The following ATRN variants were observed in gnomAD, a reference collection of about 807,000 sequenced individuals.
The protein encoded by ATRN is attractin-2.
In ATRN, 54 loss-of-function variants were observed where a neutral mutation model predicts 178.7. The ratio of observed to expected loss-of-function variants is 0.30; its 90% CI spans 0.24 to 0.38. The LOEUF is 0.38. ATRN is among the 10% of genes least tolerant of loss of function. The probability of loss-of-function intolerance (pLI) is 1.00; values close to 1 mark genes in which losing one functional copy is unlikely to be tolerated. For synonymous variants in ATRN, 636 were observed against 663.0 expected (o/e 0.96, Z 0.63); for missense variants, 1,443 against 1,815.1 (o/e 0.79, Z 3.73).
At chr20:3,491,809 T>G (rs2084797964) in intron 1 of ATRN, among the ~76,000 whole-genome samples, 1 of 152,186 alleles carries the variant, frequency 6.6e-6, no homozygotes, top group Non-Finnish European at 1.5e-5. Flanking sequence ...TTCTTTTTTC[T>G]TCATTTGTGG....
chr20:3,489,115 C>G (rs2084741319), intron 1 of ATRN, among the ~76,000 whole-genome samples: 1 of 152,128 alleles, frequency 6.6e-6, no homozygotes, highest in Admixed American at 6.5e-5. Context: ...TGTGCGCCAC[C>G]ATGCCAGACT....
intron 11 of ATRN, among the ~76,000 whole-genome samples, chr20:3,567,533 A>G (rs924172334): frequency 1.3e-5 from 2 of 152,180 alleles, no homozygotes; most frequent in African/African-American, 4.8e-5. Context: ...ATATGTAAGT[A>G]TCTGTGTGTG....
Position 3,492,205 on chromosome 20 carries a change from A to G in ATRN, c.410+20688A>G, listed in dbSNP as rs930851628. The stretch of plus-strand genomic sequence containing the variant: ...TGTGTGTGTGTGTGTGTGTGTGTGT[A>G]TCCGTTCTCTGGGCAGGGAGGGGAA... On this transcript the variant is annotated intron_variant, in intron 1 of 28. Coordinates refer to ENST00000262919, the MANE Select transcript of ATRN (RefSeq NM_139321.3). Among the ~76,000 whole-genome samples the G allele has an allele frequency of 3.4e-3, 189 of 55,864 alleles. 5 individuals are homozygous for G. In the South Asian group the frequency reaches 0.096, roughly 28 times the overall value. The allele number at this position is 55,864 out of a possible 152,430, so 36.6% of individuals were successfully genotyped here.
intron 1 of ATRN, chr20:3,490,065 G>T: frequency 8.2e-7 from 1 of 1,215,204 alleles, no homozygotes; most frequent in Non-Finnish European, 1.2e-6. Context: ...GAAAAGCAAT[G>T]TCTTTGTTCT....
intron 2 of ATRN, among the ~76,000 whole-genome samples, chr20:3,537,537 G>T: frequency 6.8e-6 from 1 of 146,636 alleles, no homozygotes; most frequent in Admixed American, 6.9e-5. Context: ...TATACTTCAA[G>T]TTCTAGGGTA....
intron 9 of ATRN, 73 bp from the exon 10 acceptor site, chr20:3,563,136 C>A: frequency 1.5e-6 from 2 of 1,343,536 alleles, no homozygotes; most frequent in Non-Finnish European, 2.1e-6. Flanking sequence ...AGTGGTTGTG[C>A]TTGCATTAGC....
At chr20:3,516,335 C>CAGA (rs2146138694) in intron 1 of ATRN, among the ~76,000 whole-genome samples, 1 of 152,078 alleles carries the variant, frequency 6.6e-6, no homozygotes, top group South Asian at 2.1e-4. Context: ...TAAGAGTAAG[C>CAGA]AGAGAGTTGG....
chr20:3,489,697 C>G (rs1156291260), intron 1 of ATRN: 14 of 1,576,662 alleles, frequency 8.9e-6, no homozygotes, highest in Middle Eastern at 2.3e-4. Flanking sequence ...GTCACATTAG[C>G]AAAGTGAGCA....
chr20:3,519,638 C>T (rs923550070), intron 1 of ATRN, among the ~76,000 whole-genome samples: 2 of 152,134 alleles, frequency 1.3e-5, no homozygotes, highest in African/African-American at 4.8e-5. Flanking sequence ...ACAGTGTACA[C>T]TGCTTGAATG....
At chr20:3,559,569 T>G (rs1190380589) in intron 7 of ATRN, 86 bp downstream of exon 7, 1 of 1,135,334 alleles carries the variant, frequency 8.8e-7, no homozygotes, top group Non-Finnish European at 1.3e-6. Context: ...GCTACCTCAG[T>G]GTTGGTTTTT....
chr20:3,628,387 T>C (rs2753981), intron 25 of ATRN, among the ~76,000 whole-genome samples: 1 of 152,212 alleles, frequency 6.6e-6, no homozygotes, highest in East Asian at 1.9e-4. Context: ...AAGACAGAGA[T>C]CCACTTTCCA....
At position 3,521,273 on chromosome 20, in the gene ATRN, G is replaced by A. The variant is rs74826926; in HGVS notation, c.411-13980G>A. On this transcript the variant is annotated intron_variant, in intron 1 of 28. Coordinates refer to ENST00000262919, the MANE Select transcript of ATRN (RefSeq NM_139321.3). ...AAGGATTCTTTGTACATCAAACCTCGGCAACACGCAATTTACGCATGCAAC... is the reference window on the plus strand; with the variant it reads ...AAGGATTCTTTGTACATCAAACCTCAGCAACACGCAATTTACGCATGCAAC... Among the ~76,000 whole-genome samples, 1,104 of 151,710 alleles carry A rather than the reference G, an allele frequency of 7.3e-3. 7 individuals carry two copies. The highest frequency in any genetic ancestry group is 0.012 in the Non-Finnish European group (798 of 67,916).
chr20:3,563,691 C>T (rs2085987906), intron 10 of ATRN, among the ~76,000 whole-genome samples: 1 of 152,118 alleles, frequency 6.6e-6, no homozygotes. Context: ...AAAATTGGTT[C>T]ACGTATTAGC....
intron 1 of ATRN, among the ~76,000 whole-genome samples, chr20:3,533,748 C>A (rs969676299): frequency 6.6e-6 from 1 of 151,936 alleles, no homozygotes; most frequent in African/African-American, 2.4e-5. Flanking sequence ...GTTTTTCTGA[C>A]AGTTGCATTA....
chr20:3,614,301 G>T (rs1228569848), intron 24 of ATRN, among the ~76,000 whole-genome samples: 1 of 152,190 alleles, frequency 6.6e-6, no homozygotes, highest in African/African-American at 2.4e-5. Context: ...TGGGGGCGTG[G>T]GCGGTAGGTA....
chr20:3,603,483 TTC>T (rs2086639174), intron 23 of ATRN, among the ~76,000 whole-genome samples: 1 of 151,778 alleles, frequency 6.6e-6, no homozygotes, highest in African/African-American at 2.4e-5. Context: ...AAAACCATTT[TTC>T]TTTCTTTCTT....
At chr20:3,525,617 A>G (rs953775364) in intron 1 of ATRN, among the ~76,000 whole-genome samples, 1 of 152,238 alleles carries the variant, frequency 6.6e-6, no homozygotes, top group Admixed American at 6.5e-5. Context: ...TTTCAGGCCA[A>G]TATCCTTGAT....
intron 1 of ATRN, among the ~76,000 whole-genome samples, chr20:3,512,107 A>ATATATATATATATATATATATATTTTTT: frequency 9.4e-6 from 1 of 106,398 alleles, no homozygotes; most frequent in African/African-American, 4.4e-5. Flanking sequence ...ATATATATAT[A>ATATATATATATATATATATATATTTTTT]TTTTTTTTTT....
chr20:3,506,624 C>CAA (rs1234061588), intron 1 of ATRN, among the ~76,000 whole-genome samples: 7 of 84,254 alleles, frequency 8.3e-5, no homozygotes, highest in Admixed American at 2.5e-4. Flanking sequence ...GACTACATCT[C>CAA]AAAAAAAAAA....
Sources: allele counts gnomAD v4.1 joint callset (sites outside exome capture counted in the v4.1 genomes callset), GRCh38; gene constraint gnomAD v4.1.1; transcripts MANE v1.5; gene names NCBI Gene and HGNC (gene_info 2026-07-23, HGNC 2026-07-21).